The following NAALADL2 variants were observed in gnomAD, a reference collection of about 807,000 sequenced individuals.
NAALADL2 encodes inactive N-acetylated-alpha-linked acidic dipeptidase-like protein 2.
Under a neutral mutation model 87.2 loss-of-function variants are expected in NAALADL2, and 76 were observed. That is an observed-to-expected ratio of 0.87 (90% CI 0.72 to 1.05). The LOEUF (loss-of-function observed/expected upper bound fraction) is 1.05, where lower values mean the gene tolerates loss of function less well. NAALADL2 is among the 50% of genes least tolerant of loss of function. The pLI is 0.00. For missense variants in NAALADL2, 1,089 were observed against 945.8 expected, an observed-to-expected ratio of 1.15 and a Z score of -1.99; for synonymous variants, 354 against 331.0, an observed-to-expected ratio of 1.07 and a Z score of -0.75.
intron 9 of NAALADL2, among the ~76,000 whole-genome samples, chr3:175,565,833 T>TCG (rs1717050538): frequency 7.8e-6 from 1 of 129,008 alleles, no homozygotes; most frequent in Non-Finnish European, 1.7e-5. Flanking sequence ...CCCCCCCTTT[T>TCG]TTTTTTTTTT....
intron 3 of NAALADL2, among the ~76,000 whole-genome samples, chr3:175,246,564 G>T (rs1269560322): frequency 6.6e-6 from 1 of 152,154 alleles, no homozygotes; most frequent in African/African-American, 2.4e-5. Flanking sequence ...GCACTGGAAT[G>T]TTCCCCTGTG....
At chr3:174,641,199 A>G (rs993513743) in intron 2 of NAALADL2, among the ~76,000 whole-genome samples, 1 of 152,128 alleles carries the variant, frequency 6.6e-6, no homozygotes, top group African/African-American at 2.4e-5. Context: ...CAGCTGCAAG[A>G]GATGGATTCT....
chr3:175,192,036 T>C (rs564995982), intron 2 of NAALADL2, among the ~76,000 whole-genome samples: 2 of 152,272 alleles, frequency 1.3e-5, no homozygotes, highest in African/African-American at 4.8e-5. Context: ...AGCTATATAA[T>C]TGATTAATTT....
chr3:175,703,540 C>T (rs9821812), intron 11 of NAALADL2, among the ~76,000 whole-genome samples: 3,047 of 152,102 alleles, frequency 0.02, 91 homozygotes, highest in African/African-American at 0.069. Flanking sequence ...GTCAGGAGTT[C>T]GAGACCAGCC....
At chr3:175,171,390 A>C (rs1350464424) in intron 2 of NAALADL2, among the ~76,000 whole-genome samples, 2 of 152,062 alleles carry the variant, frequency 1.3e-5, no homozygotes, top group African/African-American at 4.8e-5. Context: ...CGAATAGCAG[A>C]TTTAAGTCTC....
intron 1 of NAALADL2, among the ~76,000 whole-genome samples, chr3:175,001,973 A>G (rs1284441488): frequency 6.6e-6 from 1 of 152,156 alleles, no homozygotes; most frequent in Non-Finnish European, 1.5e-5. Flanking sequence ...GCTACAATGT[A>G]TCTTTTCTGT....
intron 11 of NAALADL2, among the ~76,000 whole-genome samples, chr3:175,657,426 C>T (rs111706308): frequency 0.026 from 3,974 of 151,910 alleles, 180 homozygotes; most frequent in African/African-American, 0.092. Context: ...TGCTTATTAT[C>T]ATATTTACGT....
At chr3:175,409,698 T>G (rs1352194002) in intron 5 of NAALADL2, among the ~76,000 whole-genome samples, 1 of 151,444 alleles carries the variant, frequency 6.6e-6, no homozygotes, top group African/African-American at 2.4e-5. Context: ...TCAACATTTT[T>G]CAGTTATTAA....
intron 11 of NAALADL2, among the ~76,000 whole-genome samples, chr3:175,732,657 G>A (rs937361231): frequency 6.6e-6 from 1 of 152,082 alleles, no homozygotes; most frequent in South Asian, 2.1e-4. Flanking sequence ...TGTTGGGAGG[G>A]TGCGGGGTAA....
At position 175,125,444 on chromosome 3, in the gene NAALADL2, C is replaced by T. The variant is rs575910439; in HGVS notation, c.545+28153C>T. Among the ~76,000 whole-genome samples, 7 of 152,024 alleles carry T rather than the reference C, an allele frequency of 4.6e-5. No individual in the cohort carries two copies. The South Asian group carries it at 1.5e-3, about 32-fold the overall frequency. The stretch of plus-strand genomic sequence containing the variant: ...AACAGGGAGCCCTATTGCACTAATC[C>T]AGATGGTAGATGATGGTGGCTTGTA... On this transcript the variant is annotated intron_variant, in intron 2 of 13. Coordinates refer to ENST00000454872, the MANE Select transcript of NAALADL2 (RefSeq NM_207015.3).
At chr3:175,291,944 A>G (rs748747805) in intron 4 of NAALADL2, among the ~76,000 whole-genome samples, 55 of 152,368 alleles carry the variant, frequency 3.6e-4, no homozygotes, top group Admixed American at 1.6e-3. Context: ...CCATATACAC[A>G]AAGCAAATAC....
At chr3:174,460,925 A>T (rs1233781622) in intron 1 of NAALADL2, among the ~76,000 whole-genome samples, 1 of 151,874 alleles carries the variant, frequency 6.6e-6, no homozygotes, top group Non-Finnish European at 1.5e-5. Flanking sequence ...AATTCCTGGA[A>T]TTTTTCCCTC....
intron 1 of NAALADL2, among the ~76,000 whole-genome samples, chr3:175,046,875 T>G (rs1363088743): frequency 6.6e-6 from 1 of 152,134 alleles, no homozygotes; most frequent in Non-Finnish European, 1.5e-5. Context: ...GTTTAGGCTA[T>G]TACACAATAC....
chr3:174,732,557 C>G (rs1732807081), intron 2 of NAALADL2, among the ~76,000 whole-genome samples: 1 of 152,022 alleles, frequency 6.6e-6, no homozygotes, highest in Non-Finnish European at 1.5e-5. Context: ...TAAGATAGTC[C>G]TTGCCTTCAA....
chr3:175,120,928 TCA>T (rs1241869482), intron 2 of NAALADL2, among the ~76,000 whole-genome samples: 1 of 151,852 alleles, frequency 6.6e-6, no homozygotes, highest in Non-Finnish European at 1.5e-5. Flanking sequence ...ATGTCTTGAT[TCA>T]CACGTCTTTC....
intron 1 of NAALADL2, among the ~76,000 whole-genome samples, chr3:175,084,253 G>C (rs1423038861): frequency 6.6e-6 from 1 of 152,104 alleles, no homozygotes; most frequent in African/African-American, 2.4e-5. Context: ...CTCATTATTT[G>C]ATCAGGAATA....
At chr3:174,931,066 AGGTTTTATAC>A (rs1480244422) in intron 1 of NAALADL2, among the ~76,000 whole-genome samples, 2 of 152,178 alleles carry the variant, frequency 1.3e-5, no homozygotes, top group Non-Finnish European at 2.9e-5. Flanking sequence ...AAGAGGACAT[AGGTTTTATAC>A]TAATGAACTA....
At chr3:174,634,399 G>T (rs1278403035) in intron 2 of NAALADL2, among the ~76,000 whole-genome samples, 1 of 151,816 alleles carries the variant, frequency 6.6e-6, no homozygotes, top group Non-Finnish European at 1.5e-5. Flanking sequence ...ATACTATTGT[G>T]CACAGTCCTA....
At chr3:175,446,539 G>A (rs1353452641) in intron 5 of NAALADL2, among the ~76,000 whole-genome samples, 1 of 152,040 alleles carries the variant, frequency 6.6e-6, no homozygotes, top group East Asian at 1.9e-4. Flanking sequence ...ACCACACCAG[G>A]TCGACACCAT....
Sources: allele counts gnomAD v4.1 joint callset (sites outside exome capture counted in the v4.1 genomes callset), GRCh38; gene constraint gnomAD v4.1.1; transcripts MANE v1.5; gene names NCBI Gene and HGNC (gene_info 2026-07-23, HGNC 2026-07-21).